The following PLCB1 variants were observed in gnomAD, a reference collection of about 807,000 sequenced individuals.
PLCB1 encodes the protein phospholipase C beta 1, also known as 1-phosphatidylinositol 4,5-bisphosphate phosphodiesterase beta-1.
A neutral mutation model predicts 161.8 loss-of-function variants in PLCB1; 46 were observed. The observed-to-expected ratio is 0.28, with a 90% CI of 0.22 to 0.36. The LOEUF is 0.36. Among genes scored for constraint, PLCB1 ranks in the 10% least tolerant of loss-of-function variants. PLCB1 has a pLI of 1.00. For missense variants in PLCB1, 1,016 were observed against 1,472.5 expected (o/e 0.69, Z 5.07); for synonymous variants, 517 against 503.7 (o/e 1.03, Z -0.35).
chr20:8,633,101 T>TACACACAC (rs58802999), intron 4 of PLCB1, among the ~76,000 whole-genome samples: 54 of 142,348 alleles, frequency 3.8e-4, no homozygotes, highest in Admixed American at 8.5e-4. Flanking sequence ...TGCATGTATG[T>TACACACAC]ACACACACAC....
intron 10 of PLCB1, among the ~76,000 whole-genome samples, chr20:8,693,240 C>T (rs1337870657): frequency 6.6e-6 from 1 of 152,094 alleles, no homozygotes; most frequent in Non-Finnish European, 1.5e-5. Context: ...TGGTGAAGCT[C>T]CTATAATCAG....
At chr20:8,240,239 A>G (rs1980531005) in intron 2 of PLCB1, among the ~76,000 whole-genome samples, 1 of 151,580 alleles carries the variant, frequency 6.6e-6, no homozygotes, top group Non-Finnish European at 1.5e-5. Flanking sequence ...GTTAACCGTT[A>G]TCAGTTTGCT....
At chr20:8,353,381 A>G (rs1239239853) in intron 2 of PLCB1, among the ~76,000 whole-genome samples, 3 of 152,146 alleles carry the variant, frequency 2.0e-5, no homozygotes, top group African/African-American at 4.8e-5. Flanking sequence ...TAGGATACCA[A>G]ATAATTTATG....
chr20:8,692,617 G>T (rs909492813), intron 10 of PLCB1, among the ~76,000 whole-genome samples: 2 of 152,134 alleles, frequency 1.3e-5, no homozygotes, highest in Non-Finnish European at 2.9e-5. Context: ...ACACAGCAAG[G>T]CACCCAGGAG....
intron 2 of PLCB1, among the ~76,000 whole-genome samples, chr20:8,283,981 C>G (rs1260764860): frequency 1.3e-5 from 2 of 151,472 alleles, no homozygotes; most frequent in Non-Finnish European, 2.9e-5. Context: ...GAAATATTTT[C>G]CCAGGTTTGA....
intron 3 of PLCB1, among the ~76,000 whole-genome samples, chr20:8,461,753 T>C (rs1358012166): frequency 6.6e-6 from 1 of 152,170 alleles, no homozygotes; most frequent in East Asian, 1.9e-4. Context: ...GGCTTCAGCA[T>C]GTTACTTTGA....
chr20:8,622,040 G>A lies in PLCB1; in HGVS notation c.247-6254G>A, dbSNP rs569432479. ...TGGGAGGCCGAGGCAGGCGGATCACGAGGTCAAGAGATGGAGACCACCCTA... is the reference window on the plus strand; with the variant it reads ...TGGGAGGCCGAGGCAGGCGGATCACAAGGTCAAGAGATGGAGACCACCCTA... On this transcript the variant is annotated intron_variant, in intron 3 of 31. Transcript: ENST00000338037. 6.6e-5 allele frequency among the ~76,000 whole-genome samples: 10 copies of A among 151,768 alleles called. No homozygotes were observed. The East Asian group carries it at 7.8e-4, about 12-fold the overall frequency.
chr20:8,834,329 C>T (rs117575574), intron 31 of PLCB1, among the ~76,000 whole-genome samples: 1,891 of 151,974 alleles, frequency 0.012, 25 homozygotes, highest in Middle Eastern at 0.034. Flanking sequence ...AAGACTTCAC[C>T]GAGAAGGTGA....
rs372378576 is a variant in PLCB1, at chr20:8,199,017, A to T, written c.177+48646A>T. 4.0e-5 allele frequency among the ~76,000 whole-genome samples: 6 copies of T among 151,138 alleles called. No homozygotes were observed. In the East Asian group the frequency reaches 1.2e-3, roughly 29 times the overall value. ...GGACAGAAACATCTTAATTTGCGGG[A>T]ACATTAAAAATTTTTTTTCTATGTG... On this transcript the variant is annotated intron_variant, in intron 2 of 31. Transcript: ENST00000338037.
rs765705013 is a variant in PLCB1 at position 8,790,233 on chromosome 20, G to A, written c.3395G>A (p.Arg1132His). Reference protein sequence around the residue: ...EKLVEKHKEIRQQILDEKPKL... With the variant: ...EKLVEKHKEIHQQILDEKPKL... ...CTCGTAGAGAAACACAAGGAAATACGTCAGCAGATCCTGGATGAAAAGCCC... is the reference window on the plus strand; with the variant it reads ...CTCGTAGAGAAACACAAGGAAATACATCAGCAGATCCTGGATGAAAAGCCC... Residue 1132 changes from arginine to histidine, a missense_variant, in exon 31 of 32, where the codon CGT (arginine) becomes CAT (histidine). Around this residue, in one of 10 missense-constraint regions of PLCB1, gnomAD observed 398 missense variants for 445.4 expected, o/e 0.89. Transcript: ENST00000338037. 8.7e-6 allele frequency: 14 copies of A among 1,611,384 alleles called. No homozygotes were observed. The East Asian group carries it at 1.3e-4, about 15-fold the overall frequency.
chr20:8,264,425 G>T (rs1348292421), intron 2 of PLCB1, among the ~76,000 whole-genome samples: 1 of 152,042 alleles, frequency 6.6e-6, no homozygotes, highest in Non-Finnish European at 1.5e-5. Flanking sequence ...ATAATGAAAT[G>T]TATAGTATAG....
At chr20:8,729,267 G>A in intron 18 of PLCB1, 93 bp downstream of exon 18, 1 of 1,161,054 alleles carries the variant, frequency 8.6e-7, no homozygotes, top group Non-Finnish European at 1.2e-6. Context: ...AAAATTGCCA[G>A]ACTTCACTGA....
chr20:8,556,653 TTGGGTGTG>T lies in PLCB1; in HGVS notation c.247-71638_247-71631del, dbSNP rs1177265156. Among the ~76,000 whole-genome samples, 185 of 110,574 alleles carry T rather than the reference TTGGGTGTG, an allele frequency of 1.7e-3. 1 individual carries two copies. Among genetic ancestry groups the T allele is most frequent in the African/African-American group, 6.5e-3 (176 of 27,044 alleles). The allele number at this position is 110,574 out of a possible 152,430, so 72.5% of individuals were successfully genotyped here. A position where few individuals can be genotyped will look rare whatever the true frequency, so the allele number is the denominator to read the frequency against. On this transcript the variant is annotated intron_variant, in intron 3 of 31. Coordinates refer to ENST00000338037, the MANE Select transcript of PLCB1 (RefSeq NM_015192.4). ...TGTAAACAGCCAGGCTAGGAGAGGG[TTGGGTGTG>T]TGTGTGTGTGTGTGTGTGTGTGTGT... is the stretch of plus-strand genomic sequence containing the variant.
chr20:8,183,801 C>A (rs2051872460), intron 2 of PLCB1, among the ~76,000 whole-genome samples: 1 of 152,050 alleles, frequency 6.6e-6, no homozygotes, highest in Non-Finnish European at 1.5e-5. Flanking sequence ...GAAAAAACTT[C>A]ACTAATTTAA....
chr20:8,344,988 G>A (rs1985949077), intron 2 of PLCB1, among the ~76,000 whole-genome samples: 2 of 152,148 alleles, frequency 1.3e-5, no homozygotes, highest in African/African-American at 2.4e-5. Context: ...AGCATAACCC[G>A]AGGCAATTAA....
intron 2 of PLCB1, among the ~76,000 whole-genome samples, chr20:8,262,532 T>A (rs1981754716): frequency 6.6e-6 from 1 of 152,150 alleles, no homozygotes; most frequent in Non-Finnish European, 1.5e-5. Flanking sequence ...AGCATGCCGC[T>A]CAGCAGAATT....
At chr20:8,582,988 C>CAAAAAAA (rs57511588) in intron 3 of PLCB1, among the ~76,000 whole-genome samples, 1 of 125,198 alleles carries the variant, frequency 8.0e-6, no homozygotes. Context: ...GACTCCATCT[C>CAAAAAAA]AAAAAAAAAA....
In PLCB1 at chr20:8,800,368, T is replaced by G. The variant is rs532234179; in HGVS notation, c.3423+10107T>G. 3.3e-5 allele frequency among the ~76,000 whole-genome samples: 5 copies of G among 152,328 alleles called. No individual in the cohort carries two copies. The East Asian group carries it at 7.7e-4, about 23-fold the overall frequency. ...GTTCTGTGTTTATTATAATCATTAG[T>G]TGAGGTTAATCTTTGATTTGTCAAG... On this transcript the variant is annotated intron_variant, in intron 31 of 31. Coordinates refer to ENST00000338037, the MANE Select transcript of PLCB1 (RefSeq NM_015192.4).
At chr20:8,501,578 C>A (rs1354552834) in intron 3 of PLCB1, among the ~76,000 whole-genome samples, 1 of 152,154 alleles carries the variant, frequency 6.6e-6, no homozygotes, top group Non-Finnish European at 1.5e-5. Flanking sequence ...GCTTGGAATG[C>A]TGAACAGCAT....
Sources: gnomAD v4.1 joint callset for allele counts (sites outside exome capture counted in the v4.1 genomes callset) on GRCh38, gnomAD v4.1.1 for gene constraint, gnomAD v4.1.1 regional missense constraint, MANE v1.5 for transcripts, NCBI Gene and HGNC (gene_info 2026-07-23, HGNC 2026-07-21) for gene names.